AK5: variants seen among roughly 807,000 people sequenced by gnomAD.
The protein encoded by AK5 is adenylate kinase 5, also known as adenylate kinase isoenzyme 5.
Under a neutral mutation model 69.5 loss-of-function variants are expected in AK5, and 27 were observed. The ratio of observed to expected loss-of-function variants is 0.39; its 90% confidence interval spans 0.29 to 0.54. The LOEUF (loss-of-function observed/expected upper bound fraction) is 0.54, where lower values mean the gene tolerates loss of function less well. Ranked by LOEUF, AK5 falls within the 20% of genes least tolerant of loss-of-function variation. AK5 has a pLI of 0.71. For missense variants in AK5, 531 were observed against 700.4 expected (o/e 0.76, Z 2.73); for synonymous variants, 260 against 244.4 (o/e 1.06, Z -0.60).
At position 77,340,568 on chromosome 1, in the gene AK5, A is replaced by G; in HGVS notation, c.891A>G (p.Thr297=). ...TCCAGGAAAAGGGGCTCATCATGAC[A>G]GTAAGTTAGCTCGACTTTTACAAGT... ...KYFQEKGLIM[T]FDADRDEDEV... is the part of the protein sequence containing the mutation. Residue 297 remains threonine (T), a splice_region_variant and synonymous_variant, in exon 6 of 14, where the codon ACA becomes ACG. Transcript: ENST00000354567. The G allele has an allele frequency of 6.2e-7, 1 of 1,612,472 alleles. No individual in the cohort carries two copies.
rs374298984 is a variant in AK5 at position 77,324,980 on chromosome 1, C to CTTTTTTTTT, written c.700-15395_700-15387dup. On this transcript the variant is annotated intron_variant, in intron 5 of 13. Coordinates refer to ENST00000354567, the MANE Select transcript of AK5 (RefSeq NM_174858.3). Reference sequence around the variant, plus strand: ...GAGCTGGATGTCAGATTACGAGCTACTTTTTTTTTTGAGACGGAGGCTTGT... The same window carrying CTTTTTTTTT: ...GAGCTGGATGTCAGATTACGAGCTACTTTTTTTTTTTTTTTTTTTGAGACGGAGGCTTGT... Among the ~76,000 whole-genome samples, 17 of 139,196 alleles carry CTTTTTTTTT rather than the reference C, an allele frequency of 1.2e-4. 2 individuals carry two copies. The highest frequency in any genetic ancestry group is 7.6e-3 in the Middle Eastern group (2 of 262). The allele number at this position is 139,196 out of a possible 152,430, so 91.3% of individuals were successfully genotyped here.
chr1:77,554,442 C>A (rs1052786981), intron 13 of AK5, among the ~76,000 whole-genome samples: 24 of 152,150 alleles, frequency 1.6e-4, no homozygotes, highest in African/African-American at 5.6e-4. Flanking sequence ...AGTCCTAGTT[C>A]AGTCCCTTCA....
chr1:77,298,140 C>A, intron 5 of AK5, 193 bp downstream of exon 5: 7 of 442,698 alleles, frequency 1.6e-5, no homozygotes, highest in South Asian at 6.0e-5. Flanking sequence ...ACAGTCTCTG[C>A]CAAAAGGAAA....
intron 3 of AK5, 22 bp downstream of exon 3, chr1:77,293,982 A>C (rs1183373265): frequency 6.3e-7 from 1 of 1,596,798 alleles, no homozygotes; most frequent in Non-Finnish European, 8.5e-7. Flanking sequence ...GAAAGCAAAA[A>C]TTCTCATACC....
At chr1:77,480,023 A>G (rs1011465624) in intron 8 of AK5, among the ~76,000 whole-genome samples, 4 of 152,200 alleles carry the variant, frequency 2.6e-5, no homozygotes, top group African/African-American at 9.7e-5. Flanking sequence ...TTCATGCAGA[A>G]CACACCCAAC....
At chr1:77,332,418 T>C (rs1441741218) in intron 5 of AK5, among the ~76,000 whole-genome samples, 1 of 150,406 alleles carries the variant, frequency 6.6e-6, no homozygotes, top group Admixed American at 6.6e-5. Flanking sequence ...TTTTTTACCA[T>C]TTTGACACAG....
At chr1:77,392,218 G>A (rs1214891098) in intron 6 of AK5, among the ~76,000 whole-genome samples, 1 of 152,178 alleles carries the variant, frequency 6.6e-6, no homozygotes, top group Non-Finnish European at 1.5e-5. Flanking sequence ...CAAGGCATGA[G>A]ATTAAAATGG....
At chr1:77,409,263 C>T (rs1009383179) in intron 6 of AK5, among the ~76,000 whole-genome samples, 3 of 152,062 alleles carry the variant, frequency 2.0e-5, no homozygotes, top group African/African-American at 4.8e-5. Context: ...GTTTATACTC[C>T]GCCAGGTATA....
chr1:77,361,307 G>T (rs952914850), intron 6 of AK5, among the ~76,000 whole-genome samples: 1 of 152,062 alleles, frequency 6.6e-6, no homozygotes, highest in Non-Finnish European at 1.5e-5. Context: ...CTCTAACTTT[G>T]GTCTCAAAGC....
intron 5 of AK5, among the ~76,000 whole-genome samples, chr1:77,306,089 T>G (rs7512141): frequency 0.38 from 58,101 of 151,940 alleles, 11,491 homozygotes; most frequent in Non-Finnish European, 0.44. Context: ...TGTGTAGCTA[T>G]TGCTCTAGCT....
chr1:77,365,536 A>G (rs369734969), intron 6 of AK5, among the ~76,000 whole-genome samples: 1 of 152,220 alleles, frequency 6.6e-6, no homozygotes, highest in Non-Finnish European at 1.5e-5. Flanking sequence ...CAATTTTTCC[A>G]TGGGGTTGGG....
chr1:77,342,112 C>A (rs534792842), intron 6 of AK5, among the ~76,000 whole-genome samples: 1 of 152,230 alleles, frequency 6.6e-6, no homozygotes, highest in South Asian at 2.1e-4. Flanking sequence ...GTTGGCCAGG[C>A]TGGTCTTGAA....
intron 6 of AK5, among the ~76,000 whole-genome samples, chr1:77,383,699 T>A (rs1454996726): frequency 6.6e-6 from 1 of 152,108 alleles, no homozygotes; most frequent in African/African-American, 2.4e-5. Flanking sequence ...CCAATTAAAA[T>A]ATCAAAATGT....
intron 6 of AK5, among the ~76,000 whole-genome samples, chr1:77,380,700 G>T (rs566740350): frequency 2.0e-5 from 3 of 152,312 alleles, no homozygotes; most frequent in Admixed American, 2.0e-4. Context: ...GCACAGACAA[G>T]TCACTCAACA....
At chr1:77,450,094 C>G (rs755916294) in intron 8 of AK5, among the ~76,000 whole-genome samples, 3 of 152,170 alleles carry the variant, frequency 2.0e-5, no homozygotes, top group South Asian at 2.1e-4. Context: ...TCTGCTAAAA[C>G]AGCAAGAGTC....
At chr1:77,463,355 C>T (rs1003037349) in intron 8 of AK5, among the ~76,000 whole-genome samples, 2 of 152,232 alleles carry the variant, frequency 1.3e-5, no homozygotes, top group Admixed American at 6.5e-5. Context: ...AAAATGTCAA[C>T]GTGTCAATTC....
chr1:77,544,012 T>C (rs899403051), intron 13 of AK5, among the ~76,000 whole-genome samples: 5 of 152,188 alleles, frequency 3.3e-5, no homozygotes, highest in South Asian at 2.1e-4. Flanking sequence ...AATTTTGTCA[T>C]TGTGCAAACA....
chr1:77,439,368 G>C (rs1652163141), intron 8 of AK5, among the ~76,000 whole-genome samples: 1 of 152,072 alleles, frequency 6.6e-6, no homozygotes, highest in Admixed American at 6.5e-5. Context: ...CAGGTAATTA[G>C]GATATCTATC....
chr1:77,331,366 C>A (rs888822263), intron 5 of AK5, among the ~76,000 whole-genome samples: 1 of 152,026 alleles, frequency 6.6e-6, no homozygotes, highest in African/African-American at 2.4e-5. Flanking sequence ...TATATTTGTT[C>A]TTTATCACAT....
Sources: gnomAD v4.1 joint callset for allele counts (sites outside exome capture counted in the v4.1 genomes callset) on GRCh38, gnomAD v4.1.1 for gene constraint, MANE v1.5 for transcripts, NCBI Gene and HGNC (gene_info 2026-07-23, HGNC 2026-07-21) for gene names.